SLC24A4: variants seen among roughly 807,000 people sequenced by gnomAD.
SLC24A4 encodes the protein sodium/potassium/calcium exchanger 4.
In SLC24A4, 53 loss-of-function variants were observed where a neutral mutation model predicts 79.0. That is an observed-to-expected ratio of 0.67 (90% CI 0.54 to 0.84). SLC24A4 has a LOEUF of 0.84. SLC24A4 is among the 40% of genes least tolerant of loss of function. The pLI is 0.00. For missense variants in SLC24A4, 731 were observed against 822.0 expected, an observed-to-expected ratio of 0.89 and a Z score of 1.35; for synonymous variants, 323 against 323.8, an observed-to-expected ratio of 1.00 and a Z score of 0.03.
intron 1 of SLC24A4, 42 bp downstream of exon 1, chr14:92,324,002 G>T (rs1364993380): frequency 6.3e-7 from 1 of 1,592,114 alleles, no homozygotes; most frequent in Non-Finnish European, 8.5e-7. Flanking sequence ...GGAGTTGGGG[G>T]CTTTGGCTGG....
In SLC24A4 at chr14:92,484,087, G is replaced by A. The variant is rs533221153; in HGVS notation, c.1422+1241G>A. The A allele has an allele frequency of 9.1e-6, 9 of 985,308 alleles. 1 individual carries two copies. The South Asian group carries it at 3.8e-4, about 41-fold the overall frequency. The allele number at this position is 985,308 out of a possible 1,614,324, so 61.0% of individuals were successfully genotyped here. On this transcript the variant is annotated intron_variant, in intron 13 of 16. Coordinates refer to ENST00000532405, the MANE Select transcript of SLC24A4 (RefSeq NM_153646.4). Reference sequence around the variant, plus strand: ...GGGGTGATCATCACTCTCTTACAAGGCCATTGGGAGAATGAAAAGAGAGCC... The same window carrying A: ...GGGGTGATCATCACTCTCTTACAAGACCATTGGGAGAATGAAAAGAGAGCC...
chr14:92,323,920 G>T lies in SLC24A4; in HGVS notation c.90G>T (p.Leu30=). Residue 30 remains leucine, a synonymous_variant, in exon 1 of 17, where the codon CTG becomes CTT. Coordinates refer to ENST00000532405, the MANE Select transcript of SLC24A4 (RefSeq NM_153646.4). The surrounding 1 kb of genome is among the most constrained non-coding windows in gnomAD (Gnocchi z 4.9). ...PQQVGFVCAV[L]ALVCCASGLF... ...AAGTCGGCTTCGTGTGCGCGGTGCTGGCCCTGGTGTGCTGTGCGTCCGGCC... is the reference window on the plus strand; with the variant it reads ...AAGTCGGCTTCGTGTGCGCGGTGCTTGCCCTGGTGTGCTGTGCGTCCGGCC... 6.2e-7 allele frequency: 1 copy of T among 1,611,106 alleles called. No homozygotes were observed.
intron 13 of SLC24A4, 79 bp from the exon 14 acceptor site, chr14:92,486,587 G>T: frequency 1.2e-6 from 1 of 856,408 alleles, no homozygotes; most frequent in Non-Finnish European, 1.9e-6. Flanking sequence ...TACGCTTACA[G>T]TGTCTCTAAT....
intron 12 of SLC24A4, among the ~76,000 whole-genome samples, chr14:92,479,506 T>A (rs1397396510): frequency 6.6e-6 from 1 of 152,260 alleles, no homozygotes; most frequent in Non-Finnish European, 1.5e-5. Flanking sequence ...ATGTTTTACA[T>A]TGATTGAATT....
rs1895984666 is a variant in SLC24A4 at position 92,497,850 on chromosome 14, C to T, written c.*4222C>T. On this transcript the variant is annotated 3_prime_UTR_variant, in exon 17 of 17. Coordinates refer to ENST00000532405, the MANE Select transcript of SLC24A4 (RefSeq NM_153646.4). ...GTGGCTGTGCTGTCCCTGTGATCCA[C>T]TCTCAGCAAATGCGTGTGGCTCAAA... 6.6e-6 allele frequency: 1 copy of T among 152,298 alleles called. No individual in the cohort carries two copies. Among genetic ancestry groups the T allele is most frequent in the South Asian group, 2.1e-4 (1 of 4,830 alleles). The allele number at this position is 152,298 out of a possible 1,614,324, so 9.4% of individuals were successfully genotyped here.
At chr14:92,364,619 C>T (rs1260866279) in intron 2 of SLC24A4, among the ~76,000 whole-genome samples, 2 of 152,122 alleles carry the variant, frequency 1.3e-5, no homozygotes, top group Admixed American at 1.3e-4. Flanking sequence ...ACCTGAGAGC[C>T]CCGTGGTGGG....
intron 12 of SLC24A4, among the ~76,000 whole-genome samples, chr14:92,464,324 A>T (rs1893974912): frequency 6.6e-6 from 1 of 152,126 alleles, no homozygotes; most frequent in Admixed American, 6.5e-5. Flanking sequence ...AGAACCAGGC[A>T]TCCAGGCCAC....
rs1887158949 is a variant in SLC24A4, at chr14:92,355,945, T to A, written c.241+29967T>A. Reference sequence around the variant, plus strand: ...TCTGAGGGCTGAGCTGAACAGACAGTTCCTGACTTACAATGGTTTGACTTA... The same window carrying A: ...TCTGAGGGCTGAGCTGAACAGACAGATCCTGACTTACAATGGTTTGACTTA... On this transcript the variant is annotated intron_variant, in intron 2 of 16. Transcript: ENST00000532405. Among the ~76,000 whole-genome samples the A allele has an allele frequency of 2.0e-5, 3 of 152,250 alleles. No homozygotes were observed. The South Asian group carries it at 6.2e-4, about 32-fold the overall frequency.
chr14:92,373,291 G>T (rs1047562289), intron 2 of SLC24A4, among the ~76,000 whole-genome samples: 10 of 151,950 alleles, frequency 6.6e-5, no homozygotes, highest in Non-Finnish European at 1.3e-4. Flanking sequence ...TGATCCACCC[G>T]CCTCAGCCTC....
At chr14:92,333,310 G>C (rs1292362121) in intron 2 of SLC24A4, among the ~76,000 whole-genome samples, 3 of 152,036 alleles carry the variant, frequency 2.0e-5, no homozygotes, top group African/African-American at 7.3e-5. Context: ...GGCCAGCCTG[G>C]TCTCGAACTC....
intron 6 of SLC24A4, among the ~76,000 whole-genome samples, chr14:92,443,135 G>A (rs1372296156): frequency 2.6e-5 from 4 of 152,244 alleles, no homozygotes; most frequent in East Asian, 1.9e-4. Context: ...GCCAGGGTCC[G>A]GTGGAGAGCG....
intron 2 of SLC24A4, among the ~76,000 whole-genome samples, chr14:92,373,287 A>T (rs939818819): frequency 6.6e-6 from 1 of 151,656 alleles, no homozygotes; most frequent in African/African-American, 2.4e-5. Context: ...CAAGTGATCC[A>T]CCCGCCTCAG....
At chr14:92,448,894 C>T (rs1474789468) in intron 9 of SLC24A4, among the ~76,000 whole-genome samples, 180 bp from the exon 10 acceptor site, 3 of 152,164 alleles carry the variant, frequency 2.0e-5, no homozygotes, top group Admixed American at 6.5e-5. Flanking sequence ...ACACAATGCT[C>T]CCAGGTCCCT....
chr14:92,390,322 G>T (rs746720316), intron 2 of SLC24A4, among the ~76,000 whole-genome samples: 1 of 151,914 alleles, frequency 6.6e-6, no homozygotes, highest in Non-Finnish European at 1.5e-5. Flanking sequence ...CAAGCAGAGG[G>T]CACAGCTACT....
chr14:92,421,469 G>A (rs751331383), intron 2 of SLC24A4, among the ~76,000 whole-genome samples: 3 of 151,740 alleles, frequency 2.0e-5, no homozygotes, highest in Non-Finnish European at 2.9e-5. Flanking sequence ...CATACCATTG[G>A]TACTCTTCTG....
At chr14:92,329,124 C>G (rs1348216060) in intron 2 of SLC24A4, among the ~76,000 whole-genome samples, 1 of 152,182 alleles carries the variant, frequency 6.6e-6, no homozygotes, top group Non-Finnish European at 1.5e-5. Context: ...TTAAGCTTGC[C>G]CCCATGAATT....
chr14:92,383,248 C>CG (rs1566729343), intron 2 of SLC24A4, among the ~76,000 whole-genome samples: 8 of 152,244 alleles, frequency 5.3e-5, no homozygotes, highest in African/African-American at 1.4e-4. Flanking sequence ...AGATATGGGG[C>CG]ACCCCCCACT....
chr14:92,336,239 C>G (rs959310932), intron 2 of SLC24A4, among the ~76,000 whole-genome samples: 1 of 152,054 alleles, frequency 6.6e-6, no homozygotes, highest in Non-Finnish European at 1.5e-5. Context: ...AGCCGTTGGA[C>G]GTAACAGAAA....
chr14:92,469,015 T>C (rs1282322248), intron 12 of SLC24A4, among the ~76,000 whole-genome samples: 1 of 151,976 alleles, frequency 6.6e-6, no homozygotes, highest in Non-Finnish European at 1.5e-5. Flanking sequence ...CAAAGCAGAT[T>C]ATACAAATGG....
Sources: allele counts gnomAD v4.1 joint callset (sites outside exome capture counted in the v4.1 genomes callset), GRCh38; gene constraint gnomAD v4.1.1; non-coding constraint Gnocchi (gnomAD v3.1); transcripts MANE v1.5; gene names NCBI Gene and HGNC (gene_info 2026-07-23, HGNC 2026-07-21).